FLRT1: variants seen among roughly 807,000 people sequenced by gnomAD.
The protein encoded by FLRT1 is leucine-rich repeat transmembrane protein FLRT1.
FLRT1 carries 14 observed loss-of-function variants against 30.9 expected under a neutral mutation model. The ratio of observed to expected loss-of-function variants is 0.45; its 90% CI spans 0.30 to 0.71. The LOEUF is 0.71. FLRT1 is among the 30% of genes least tolerant of loss of function. The pLI is 0.08. For synonymous variants in FLRT1, 368 were observed against 430.4 expected, an observed-to-expected ratio of 0.85 and a Z score of 1.80; for missense variants, 737 against 949.2, an observed-to-expected ratio of 0.78 and a Z score of 2.94.
chr11:64,059,287 G>T (rs1789904919), intron 1 of FLRT1, among the ~76,000 whole-genome samples: 1 of 152,182 alleles, frequency 6.6e-6, no homozygotes, highest in Admixed American at 6.5e-5. Flanking sequence ...TGTGAAGAGG[G>T]TCTTGCGGGT....
intron 1 of FLRT1, among the ~76,000 whole-genome samples, chr11:64,094,978 G>A (rs762770222): frequency 1.3e-5 from 2 of 152,200 alleles, no homozygotes; most frequent in Non-Finnish European, 2.9e-5. Flanking sequence ...TAGGGGCCTC[G>A]TTAGCTGTGG....
Position 64,066,442 on chromosome 11 carries a change from C to T in FLRT1, c.-1038+30283C>T, listed in dbSNP as rs191798543. Among the ~76,000 whole-genome samples, 579 of 151,278 alleles carry T rather than the reference C, an allele frequency of 3.8e-3. 4 individuals carry two copies. The highest frequency in any genetic ancestry group is 6.3e-3 in the Non-Finnish European group (426 of 67,828). ...AGCCTGGGCAACAAAGCAAGAACCC[C>T]GCTATCTCTACAAAAAATTTTAAAA... On this transcript the variant is annotated intron_variant, in intron 1 of 2. Transcript: ENST00000682287.
In FLRT1 at chr11:64,096,349, G is replaced by T. The variant is rs909719471; in HGVS notation, c.-1037-6845G>T. 2.6e-5 allele frequency among the ~76,000 whole-genome samples: 4 copies of T among 152,074 alleles called. No individual in the cohort carries two copies. The highest frequency in any genetic ancestry group is 2.6e-4 in the Admixed American group (4 of 15,294). On this transcript the variant is annotated intron_variant, in intron 1 of 2. Coordinates refer to ENST00000682287, the MANE Select transcript of FLRT1 (RefSeq NM_013280.5). The surrounding 1 kb of genome is among the most constrained non-coding windows in gnomAD (Gnocchi z 4.6). ...CTAGGCTGGACACGGTCCCTAATGG[G>T]CACGGGCGACGCATTACAGTGAGGT...
chr11:64,043,277 C>T (rs554955854), intron 1 of FLRT1, among the ~76,000 whole-genome samples: 7 of 152,252 alleles, frequency 4.6e-5, no homozygotes, highest in South Asian at 4.2e-4. Context: ...TCACCCTGCT[C>T]GGGGCTCTGA....
chr11:64,108,279 C>G lies in FLRT1; in HGVS notation c.-50+4098C>G, dbSNP rs57052719. 4.7e-3 allele frequency among the ~76,000 whole-genome samples: 717 copies of G among 151,268 alleles called. 8 individuals carry two copies. In the East Asian group the frequency reaches 0.057, roughly 12 times the overall value. On this transcript the variant is annotated intron_variant, in intron 2 of 2. Transcript: ENST00000682287. ...GGTGAGCCAAGATCGTACCATTGCA[C>G]TCCAGCCTGGGCAACAAGAGCGAAA...
chr11:64,045,377 G>A (rs1287764035), intron 1 of FLRT1, among the ~76,000 whole-genome samples: 1 of 152,076 alleles, frequency 6.6e-6, no homozygotes, highest in African/African-American at 2.4e-5. Flanking sequence ...GCTCCGCCGG[G>A]ACCTGGGCAT....
At chr11:64,105,643 G>A (rs537388986) in intron 2 of FLRT1, among the ~76,000 whole-genome samples, 75 of 152,244 alleles carry the variant, frequency 4.9e-4, no homozygotes, top group African/African-American at 1.5e-3. Context: ...CCCCACAGGC[G>A]TGAGTGACCC....
Position 64,116,582 on chromosome 11 carries a change from G to A in FLRT1, c.315G>A (p.Lys105=), listed in dbSNP as rs921421222. ...GCATCCCCCAGGACCTCAAGACCAA[G>A]GTCAACGTGCAGGTCATCTACCTAT... ...NAGIPQDLKT[K]VNVQVIYLYE... The change falls in exon 3 of 3, where the codon AAG becomes AAA. Residue 105 remains lysine, a synonymous_variant. Transcript: ENST00000682287. 2 of 1,613,952 alleles carry A rather than the reference G, an allele frequency of 1.2e-6. No individual in the cohort carries two copies. Among genetic ancestry groups the A allele is most frequent in the East Asian group, 2.2e-5 (1 of 44,884 alleles).
intron 2 of FLRT1, among the ~76,000 whole-genome samples, chr11:64,105,949 G>T: frequency 9.0e-6 from 1 of 111,142 alleles, no homozygotes; most frequent in South Asian, 3.2e-4. Flanking sequence ...TGAGTGGTGG[G>T]TTCCATCCGT....
At chr11:64,086,381 T>G (rs946683557) in intron 1 of FLRT1, among the ~76,000 whole-genome samples, 9 of 152,036 alleles carry the variant, frequency 5.9e-5, no homozygotes, top group African/African-American at 2.2e-4. Flanking sequence ...CCCTTGTGAC[T>G]ACCCCCGAGC....
rs903670121 is a variant in FLRT1, at chr11:64,061,484, C to A, written c.-1038+25325C>A. ...GCTTTCCAAGTCCCCTGCCTCTGAC[C>A]CCGCAGTCCCCAGGCAGCTCCTCCC... On this transcript the variant is annotated intron_variant, in intron 1 of 2. Coordinates refer to ENST00000682287, the MANE Select transcript of FLRT1 (RefSeq NM_013280.5). 5.2e-4 allele frequency among the ~76,000 whole-genome samples: 79 copies of A among 152,294 alleles called. 1 individual carries two copies. The highest frequency in any genetic ancestry group is 2.4e-4 in the Non-Finnish European group (16 of 68,024).
At chr11:64,071,605 A>G (rs1169554834) in intron 1 of FLRT1, among the ~76,000 whole-genome samples, 1 of 152,090 alleles carries the variant, frequency 6.6e-6, no homozygotes, top group African/African-American at 2.4e-5. Flanking sequence ...CGCTCTTCCC[A>G]CTACAGGTTC....
intron 1 of FLRT1, among the ~76,000 whole-genome samples, chr11:64,071,980 G>T (rs1944116030): frequency 6.6e-6 from 1 of 152,236 alleles, no homozygotes; most frequent in Non-Finnish European, 1.5e-5. Context: ...AGGGGAACGG[G>T]CTGGCTCCTG....
intron 1 of FLRT1, among the ~76,000 whole-genome samples, chr11:64,091,728 A>G (rs1474796902): frequency 1.3e-5 from 2 of 152,178 alleles, no homozygotes; most frequent in East Asian, 3.8e-4. Context: ...CCACCTGGAC[A>G]CTGGCCATTA....
intron 1 of FLRT1, among the ~76,000 whole-genome samples, chr11:64,062,128 G>T (rs962001539): frequency 6.6e-6 from 1 of 151,850 alleles, no homozygotes; most frequent in African/African-American, 2.4e-5. Context: ...CCTCTCCTCC[G>T]CAAGGCCTTC....
intron 1 of FLRT1, among the ~76,000 whole-genome samples, chr11:64,041,530 G>A (rs1259402755): frequency 1.3e-5 from 2 of 152,036 alleles, no homozygotes; most frequent in Non-Finnish European, 2.9e-5. Flanking sequence ...GGGACACCTG[G>A]CTGGTTCTGA....
chr11:64,088,604 C>CG (rs35698406), intron 1 of FLRT1, among the ~76,000 whole-genome samples: 32,722 of 152,044 alleles, frequency 0.22, 3,866 homozygotes, highest in African/African-American at 0.31. Context: ...TCCTCCTCCC[C>CG]GGGTTTTGTT....
chr11:64,091,631 C>A (rs1944492755), intron 1 of FLRT1, among the ~76,000 whole-genome samples: 1 of 152,146 alleles, frequency 6.6e-6, no homozygotes, highest in Non-Finnish European at 1.5e-5. Flanking sequence ...CACCATCCCC[C>A]CATCCGACAG....
At chr11:64,068,482 A>T (rs1285412371) in intron 1 of FLRT1, among the ~76,000 whole-genome samples, 1 of 152,216 alleles carries the variant, frequency 6.6e-6, no homozygotes, top group Non-Finnish European at 1.5e-5. Flanking sequence ...CACAGATTGG[A>T]GCCCTCCACA....
Sources: gnomAD v4.1 joint callset for allele counts (sites outside exome capture counted in the v4.1 genomes callset) on GRCh38, gnomAD v4.1.1 for gene constraint, Gnocchi (gnomAD v3.1) non-coding constraint, MANE v1.5 for transcripts, NCBI Gene and HGNC (gene_info 2026-07-23, HGNC 2026-07-21) for gene names.